POLR2C: variants seen among roughly 807,000 people sequenced by gnomAD.
POLR2C encodes the protein RNA polymerase II subunit C.
In POLR2C, 36 loss-of-function variants were observed where a neutral mutation model predicts 41.7. That is an observed-to-expected ratio of 0.86 (90% CI 0.66 to 1.14). POLR2C has a LOEUF of 1.14. Among genes scored for constraint, POLR2C ranks in the 50% most tolerant of loss-of-function variants. POLR2C has a pLI of 0.00. For synonymous variants in POLR2C, 133 were observed against 137.8 expected, an observed-to-expected ratio of 0.96 and a Z score of 0.25; for missense variants, 260 against 350.4, an observed-to-expected ratio of 0.74 and a Z score of 2.06.
intron 4 of POLR2C, among the ~76,000 whole-genome samples, chr16:57,468,562 A>G (rs900117168): frequency 1.3e-5 from 2 of 152,258 alleles, no homozygotes; most frequent in African/African-American, 4.8e-5. Context: ...TAACATGGGA[A>G]TGAGTCAGTT....
intron 4 of POLR2C, among the ~76,000 whole-genome samples, chr16:57,468,770 A>G (rs866171659): frequency 6.6e-6 from 1 of 152,176 alleles, no homozygotes. Context: ...TGATGGTTAC[A>G]TTCCCAAGCT....
At position 57,470,985 on chromosome 16, in the gene POLR2C, A is replaced by G; in HGVS notation, c.694A>G (p.Asn232Asp). The G allele has an allele frequency of 6.2e-7, 1 of 1,613,988 alleles. No homozygotes were observed. The highest frequency in any genetic ancestry group is 8.5e-7 in the Non-Finnish European group (1 of 1,179,968). Residue 232 changes from asparagine (N) to aspartate (D), a missense_variant, in exon 9 of 9, where the codon AAT becomes GAT. Coordinates refer to ENST00000219252, the MANE Select transcript of POLR2C (RefSeq NM_032940.3). ...ACTCTTGCCTCCTAGGTTTTACTAC[A>G]ATGTGGAGTCCTGTGGCTCTCTGCG... ...PNGKPERFYY[N>D]VESCGSLRPE...
chr16:57,467,835 T>C (rs2030747027), intron 4 of POLR2C, among the ~76,000 whole-genome samples: 1 of 152,228 alleles, frequency 6.6e-6, no homozygotes, highest in Admixed American at 6.5e-5. Flanking sequence ...CTTTATTGTT[T>C]TTCTGTTTGT....
chr16:57,465,916 A>T, intron 2 of POLR2C, 37 bp from the exon 3 acceptor site: 2 of 1,357,684 alleles, frequency 1.5e-6, no homozygotes, highest in Admixed American at 1.7e-5. Context: ...GGTAAATTTG[A>T]TGGCTAAACT....
chr16:57,471,175 G>A lies in POLR2C; in HGVS notation c.*56G>A. 1.3e-6 allele frequency: 2 copies of A among 1,499,466 alleles called. No individual in the cohort carries two copies. Among genetic ancestry groups the A allele is most frequent in the Non-Finnish European group, 1.9e-6 (2 of 1,078,958 alleles). The allele number at this position is 1,499,466 out of a possible 1,614,324, so 92.9% of individuals were successfully genotyped here. A position where few individuals can be genotyped will look rare whatever the true frequency, so the allele number is the denominator to read the frequency against. On this transcript the variant is annotated 3_prime_UTR_variant, in exon 9 of 9. Transcript: ENST00000219252. ...GATTCAGGCCAGCAGCTGGATATGG[G>A]GGTCTCTCTTCAGACTCTTCTCGTT... is the stretch of plus-strand genomic sequence containing the variant.
At chr16:57,470,943 C>G in intron 8 of POLR2C, 32 bp from the exon 9 acceptor site, 10 of 1,607,636 alleles carry the variant, frequency 6.2e-6, no homozygotes, top group Non-Finnish European at 8.5e-6. Context: ...CAGCCTGCCT[C>G]GCAGTGCACT....
Position 57,469,563 on chromosome 16 carries a change from G to A in POLR2C, c.388-147G>A, listed in dbSNP as rs940238676. On this transcript the variant is annotated intron_variant, in intron 5 of 8. Transcript: ENST00000219252. The surrounding 1 kb of genome is among the most constrained non-coding windows in gnomAD (Gnocchi z 5.8). ...ACCACCACACCCTGAAGTGGGGGTTGGAGTCCTGGGGGCATCTGTGCCACC... is the reference window on the plus strand; with the variant it reads ...ACCACCACACCCTGAAGTGGGGGTTAGAGTCCTGGGGGCATCTGTGCCACC... 25 of 774,856 alleles carry A rather than the reference G, an allele frequency of 3.2e-5. No individual in the cohort carries two copies. The highest frequency in any genetic ancestry group is 5.0e-5 in the Non-Finnish European group (22 of 442,040). 48.0% of individuals were successfully genotyped at this position (774,856 alleles called of 1,614,324 possible).
intron 4 of POLR2C, among the ~76,000 whole-genome samples, chr16:57,468,136 G>T (rs375298367): frequency 1.3e-5 from 2 of 152,158 alleles, no homozygotes; most frequent in Non-Finnish European, 2.9e-5. Context: ...AGCCTCCCAA[G>T]TAGCTGGGAC....
At chr16:57,465,788 G>T in intron 2 of POLR2C, 165 bp from the exon 3 acceptor site, 1 of 621,742 alleles carries the variant, frequency 1.6e-6, no homozygotes, top group East Asian at 2.7e-5. Context: ...GGTGTGTGTG[G>T]GTCTTATTAA....
Position 57,469,761 on chromosome 16 carries a change from G to A in POLR2C, c.439G>A (p.Asp147Asn), listed in dbSNP as rs2030784259. The A allele has an allele frequency of 6.2e-7, 1 of 1,613,546 alleles. No individual in the cohort carries two copies. Among genetic ancestry groups the A allele is most frequent in the Non-Finnish European group, 8.5e-7 (1 of 1,179,570 alleles). Residue 147 changes from aspartate (D) to asparagine (N), a missense_variant and splice_region_variant, in exon 6 of 9, where the codon GAC becomes AAC. By Grantham distance (23) the Asp-to-Asn change is conservative. Coordinates refer to ENST00000219252, the MANE Select transcript of POLR2C (RefSeq NM_032940.3). This position sits in a 1 kb window ranked among gnomAD's most constrained non-coding sequence, Gnocchi z 5.8. Reference protein sequence around the residue: ...NDPNDYVEQDDILIVKLRKGQ... With the variant: ...NDPNDYVEQDNILIVKLRKGQ... ...CCCCAATGACTACGTGGAGCAGGAT[G>A]GTAAGTCTTCCTGACCTGTCACCGT...
chr16:57,469,872 T>A lies in POLR2C; in HGVS notation c.440-89T>A. 3 of 1,574,174 alleles carry A rather than the reference T, an allele frequency of 1.9e-6. No homozygotes were observed. Among genetic ancestry groups the A allele is most frequent in the Non-Finnish European group, 2.6e-6 (3 of 1,144,098 alleles). On this transcript the variant is annotated intron_variant, in intron 6 of 8. Transcript: ENST00000219252. This position sits in a 1 kb window ranked among gnomAD's most constrained non-coding sequence, Gnocchi z 5.8. ...ATTGGCTTTAGACCGTTTTTCCAGA[T>A]GTGTGTGGTCTTGCAGTGGCACTCC...
At chr16:57,467,466 GTTCCT>G (rs2030738300) in intron 4 of POLR2C, among the ~76,000 whole-genome samples, 1 of 152,138 alleles carries the variant, frequency 6.6e-6, no homozygotes, top group Admixed American at 6.5e-5. Context: ...TCACCTAGCA[GTTCCT>G]TTCATTAAAA....
chr16:57,466,027 T>C lies in POLR2C; in HGVS notation c.205+6T>C, dbSNP rs181095705. 1 of 1,556,978 alleles carries C rather than the reference T, an allele frequency of 6.4e-7. No homozygotes were observed. Among genetic ancestry groups the C allele is most frequent in the Non-Finnish European group, 8.9e-7 (1 of 1,128,702 alleles). On this transcript the variant is annotated splice_donor_region_variant and intron_variant, in intron 3 of 8. Transcript: ENST00000219252. ...ATTCATTGCTCACAGGCTTGGTGAGTACTCCTTTTACTAGGAGGTTAAAGG... is the reference window on the plus strand; with the variant it reads ...ATTCATTGCTCACAGGCTTGGTGAGCACTCCTTTTACTAGGAGGTTAAAGG...
Position 57,469,610 on chromosome 16 carries a change from C to G in POLR2C, c.388-100C>G. ...CACCACCTCGTCAGGTGTTCGTTCCCTGGTTGACAGATTGCAGTCTAGAGG... is the reference window on the plus strand; with the variant it reads ...CACCACCTCGTCAGGTGTTCGTTCCGTGGTTGACAGATTGCAGTCTAGAGG... On this transcript the variant is annotated intron_variant, in intron 5 of 8. Transcript: ENST00000219252. This position sits in a 1 kb window ranked among gnomAD's most constrained non-coding sequence, Gnocchi z 5.8. 1 of 1,042,080 alleles carries G rather than the reference C, an allele frequency of 9.6e-7. No homozygotes were observed. Among genetic ancestry groups the G allele is most frequent in the Non-Finnish European group, 1.5e-6 (1 of 665,646 alleles). 64.6% of individuals were successfully genotyped at this position (1,042,080 alleles called of 1,614,324 possible).
chr16:57,466,184 C>T lies in POLR2C; in HGVS notation c.215C>T (p.Pro72Leu). 6.2e-7 allele frequency: 1 copy of T among 1,601,356 alleles called. No homozygotes were observed. Among genetic ancestry groups the T allele is most frequent in the Non-Finnish European group, 8.5e-7 (1 of 1,172,858 alleles). ...TTTCTGTTTTTTACAGGATTAATTC[C>T]CCTCATTAGTGATGACATTGTGGAC... ...EFIAHRLGLI[P>L]LISDDIVDKL... Residue 72 changes from proline (P) to leucine (L), a missense_variant, in exon 4 of 9, where the codon CCC becomes CTC. Coordinates refer to ENST00000219252, the MANE Select transcript of POLR2C (RefSeq NM_032940.3).
intron 4 of POLR2C, among the ~76,000 whole-genome samples, chr16:57,467,000 G>A (rs538527283): frequency 3.9e-5 from 6 of 152,324 alleles, no homozygotes; most frequent in East Asian, 1.9e-4. Flanking sequence ...TTGGGAGGCC[G>A]AGGCGGGTTT....
intron 2 of POLR2C, among the ~76,000 whole-genome samples, chr16:57,464,893 G>A (rs1053590222): frequency 6.6e-6 from 1 of 152,166 alleles, no homozygotes; most frequent in Non-Finnish European, 1.5e-5. Context: ...CCCAGGACCT[G>A]CGTGAAGGAA....
Position 57,469,427 on chromosome 16 carries a change from A to G in POLR2C, c.387+134A>G. On this transcript the variant is annotated intron_variant, in intron 5 of 8. Transcript: ENST00000219252. The surrounding 1 kb of genome is among the most constrained non-coding windows in gnomAD (Gnocchi z 5.8). The stretch of plus-strand genomic sequence containing the variant: ...TACCCTCTGCCTTAATCTGATCCCT[A>G]GAAGTGCTAATTCTGGATTCCTCTT... 4.0e-6 allele frequency: 4 copies of G among 987,772 alleles called. No homozygotes were observed. Among genetic ancestry groups the G allele is most frequent in the Admixed American group, 2.0e-5 (1 of 51,184 alleles). The allele number at this position is 987,772 out of a possible 1,614,324, so 61.2% of individuals were successfully genotyped here. A position where few individuals can be genotyped will look rare whatever the true frequency, so the allele number is the denominator to read the frequency against.
In POLR2C at chr16:57,466,176, A is replaced by G. The variant is rs1421696688; in HGVS notation, c.207A>G (p.Gly69=). Residue 69 remains glycine, a splice_region_variant and synonymous_variant, in exon 4 of 9, where the codon GGA becomes GGG. Coordinates refer to ENST00000219252, the MANE Select transcript of POLR2C (RefSeq NM_032940.3). ...AAAGTGCTTTTCTGTTTTTTACAGG[A>G]TTAATTCCCCTCATTAGTGATGACA... ...LHDEFIAHRL[G]LIPLISDDIV... is the part of the protein sequence containing the mutation. The G allele has an allele frequency of 2.5e-6, 4 of 1,601,886 alleles. No homozygotes were observed. The Admixed American group carries it at 5.2e-5, about 21-fold the overall frequency.
Sources: gnomAD v4.1 joint callset for allele counts (sites outside exome capture counted in the v4.1 genomes callset) on GRCh38, gnomAD v4.1.1 for gene constraint, Gnocchi (gnomAD v3.1) non-coding constraint, MANE v1.5 for transcripts, NCBI Gene and HGNC (gene_info 2026-07-23, HGNC 2026-07-21) for gene names.